GRIA1: variants seen among roughly 807,000 people sequenced by gnomAD.
The protein encoded by GRIA1 is glutamate receptor 1.
Under a neutral mutation model 99.2 loss-of-function variants are expected in GRIA1, and 31 were observed. That is an observed-to-expected ratio of 0.31 (90% CI 0.23 to 0.42). The LOEUF (loss-of-function observed/expected upper bound fraction) is 0.42, where lower values mean the gene tolerates loss of function less well. GRIA1 is among the 10% of genes least tolerant of loss of function. The pLI, the probability that GRIA1 is intolerant of heterozygous loss-of-function variation, is 1.00. For missense variants in GRIA1, 782 were observed against 1,157.5 expected (o/e 0.68, Z 4.71); for synonymous variants, 438 against 432.4 (o/e 1.01, Z -0.16).
At position 153,592,125 on chromosome 5, in the gene GRIA1, A is replaced by G. The variant is rs549275596; in HGVS notation, c.221-54803A>G. On this transcript the variant is annotated intron_variant, in intron 2 of 15. Transcript: ENST00000285900. ...GGTTGGGGAGGAGTATGGCCATGAAACTAAGGGCTGATGAAAGATGATTTT... is the reference window on the plus strand; with the variant it reads ...GGTTGGGGAGGAGTATGGCCATGAAGCTAAGGGCTGATGAAAGATGATTTT... 3.0e-3 allele frequency among the ~76,000 whole-genome samples: 464 copies of G among 152,326 alleles called. 2 individuals are homozygous for G. The highest frequency in any genetic ancestry group is 4.8e-3 in the Non-Finnish European group (328 of 68,024).
intron 8 of GRIA1, among the ~76,000 whole-genome samples, chr5:153,689,781 T>C (rs2149501388): frequency 6.6e-6 from 1 of 152,320 alleles, no homozygotes; most frequent in East Asian, 1.9e-4. Context: ...ACTCACATTG[T>C]TCCTCTCCTG....
At chr5:153,665,848 C>T (rs373452914) in intron 5 of GRIA1, among the ~76,000 whole-genome samples, 3 of 152,244 alleles carry the variant, frequency 2.0e-5, no homozygotes, top group East Asian at 1.9e-4. Context: ...CATCTTTCTG[C>T]CTTTTCCCTA....
rs188690386 is a variant in GRIA1, at chr5:153,649,069, C to T, written c.461-1261C>T. Among the ~76,000 whole-genome samples, 201 of 152,218 alleles carry T rather than the reference C, an allele frequency of 1.3e-3. 1 individual carries two copies. The highest frequency in any genetic ancestry group is 4.5e-3 in the African/African-American group (186 of 41,532). The stretch of plus-strand genomic sequence containing the variant: ...TCAGAGTGGTGCAATGTGAGAAAGA[C>T]GACCACCATTACTGGCCTTGAAGAT... On this transcript the variant is annotated intron_variant, in intron 3 of 15. Transcript: ENST00000285900.
intron 11 of GRIA1, 59 bp from the exon 12 acceptor site, chr5:153,764,375 C>G (rs1248912211): frequency 1.5e-6 from 2 of 1,363,308 alleles, no homozygotes; most frequent in African/African-American, 1.4e-5. Flanking sequence ...TCAGTCCCTC[C>G]CCAGAGCTTT....
intron 2 of GRIA1, among the ~76,000 whole-genome samples, chr5:153,568,797 G>A (rs2149360468): frequency 6.6e-6 from 1 of 152,128 alleles, no homozygotes; most frequent in African/African-American, 2.4e-5. Flanking sequence ...ACTTCATATG[G>A]CTTTTTCTTG....
chr5:153,560,405 G>T (rs992388173), intron 2 of GRIA1, among the ~76,000 whole-genome samples: 1 of 152,140 alleles, frequency 6.6e-6, no homozygotes, highest in African/African-American at 2.4e-5. Flanking sequence ...AGGCTGATAT[G>T]GTGTGGCTAT....
At chr5:153,804,958 A>T (rs914556581) in intron 15 of GRIA1, among the ~76,000 whole-genome samples, 1 of 151,822 alleles carries the variant, frequency 6.6e-6, no homozygotes, top group East Asian at 1.9e-4. Flanking sequence ...CACCATGTTG[A>T]CCGGGCTGGT....
rs1766880539 is a variant in GRIA1, at chr5:153,812,451, GTGT to G, written c.*1231_*1233del. On this transcript the variant is annotated 3_prime_UTR_variant, in exon 16 of 16. Transcript: ENST00000285900. ...ACTTGGGTTTTTATGTTAATATAAA[GTGT>G]TGTTTTAGCATGTGGCCAGATGATG... The G allele has an allele frequency of 6.6e-6, 1 of 152,216 alleles. No individual in the cohort carries two copies. The highest frequency in any genetic ancestry group is 1.5e-5 in the Non-Finnish European group (1 of 68,038). 9.4% of individuals were successfully genotyped at this position (152,216 alleles called of 1,614,324 possible). A position where few individuals can be genotyped will look rare whatever the true frequency, so the allele number is the denominator to read the frequency against.
chr5:153,571,446 G>A (rs1036196192), intron 2 of GRIA1, among the ~76,000 whole-genome samples: 5 of 152,118 alleles, frequency 3.3e-5, no homozygotes, highest in African/African-American at 1.2e-4. Flanking sequence ...ACACATAAAT[G>A]AACATGTTCC....
At chr5:153,738,305 C>T (rs1211593034) in intron 11 of GRIA1, among the ~76,000 whole-genome samples, 1 of 152,106 alleles carries the variant, frequency 6.6e-6, no homozygotes, top group African/African-American at 2.4e-5. Flanking sequence ...TTCTGAGACA[C>T]CCCAACCAGA....
At chr5:153,711,459 G>C (rs1407002896) in intron 11 of GRIA1, among the ~76,000 whole-genome samples, 1 of 152,114 alleles carries the variant, frequency 6.6e-6, no homozygotes, top group African/African-American at 2.4e-5. Flanking sequence ...AGGAATCAAG[G>C]GTGAGTCCAA....
intron 7 of GRIA1, among the ~76,000 whole-genome samples, chr5:153,682,026 G>A (rs1757007828): frequency 6.9e-6 from 1 of 145,784 alleles, no homozygotes; most frequent in African/African-American, 2.5e-5. Flanking sequence ...GTGACAGTGT[G>A]AGACTATGTC....
intron 2 of GRIA1, among the ~76,000 whole-genome samples, chr5:153,575,137 T>C (rs2149367219): frequency 6.6e-6 from 1 of 152,254 alleles, no homozygotes; most frequent in South Asian, 2.1e-4. Flanking sequence ...CAATGGTCTC[T>C]TGGTCTCTTT....
chr5:153,542,709 C>G (rs1759240616), intron 2 of GRIA1, among the ~76,000 whole-genome samples: 1 of 152,210 alleles, frequency 6.6e-6, no homozygotes, highest in Non-Finnish European at 1.5e-5. Context: ...TGGCTAACTT[C>G]ATTTCATTTT....
intron 2 of GRIA1, among the ~76,000 whole-genome samples, chr5:153,496,130 G>T (rs965095158): frequency 8.5e-5 from 13 of 152,348 alleles, no homozygotes; most frequent in African/African-American, 3.1e-4. Flanking sequence ...AGGAGAAAAG[G>T]TTCTAAGGCA....
intron 2 of GRIA1, among the ~76,000 whole-genome samples, chr5:153,524,196 G>A (rs1209250687): frequency 6.6e-6 from 1 of 152,170 alleles, no homozygotes; most frequent in East Asian, 1.9e-4. Flanking sequence ...GCGTGGTGGG[G>A]CTCACCTGTA....
At chr5:153,779,954 G>A (rs1441749847) in intron 13 of GRIA1, among the ~76,000 whole-genome samples, 1 of 152,160 alleles carries the variant, frequency 6.6e-6, no homozygotes, top group Non-Finnish European at 1.5e-5. Flanking sequence ...AAGCGAGGTG[G>A]CAGGGATGTA....
intron 2 of GRIA1, among the ~76,000 whole-genome samples, chr5:153,598,957 C>T (rs1365033739): frequency 6.6e-6 from 1 of 152,194 alleles, no homozygotes; most frequent in Non-Finnish European, 1.5e-5. Context: ...TCTCGGCTCA[C>T]CGCAAGCTCC....
At chr5:153,668,775 G>T (rs368976598) in intron 5 of GRIA1, among the ~76,000 whole-genome samples, 4 of 152,168 alleles carry the variant, frequency 2.6e-5, no homozygotes, top group Non-Finnish European at 5.9e-5. Flanking sequence ...GGAACCTAGC[G>T]CAGTCCCACA....
Sources: allele counts gnomAD v4.1 joint callset (sites outside exome capture counted in the v4.1 genomes callset), GRCh38; gene constraint gnomAD v4.1.1; transcripts MANE v1.5; gene names NCBI Gene and HGNC (gene_info 2026-07-23, HGNC 2026-07-21).